PDE11A: variants seen among roughly 807,000 people sequenced by gnomAD.
PDE11A encodes the protein phosphodiesterase 11A, also known as dual 3',5'-cyclic-AMP and -GMP phosphodiesterase 11A.
Under a neutral mutation model 100.5 loss-of-function variants are expected in PDE11A, and 100 were observed. The ratio of observed to expected loss-of-function variants is 1.00; its 90% CI spans 0.85 to 1.18. The LOEUF is 1.18. Among genes scored for constraint, PDE11A ranks in the 50% most tolerant of loss-of-function variants. The pLI, the probability that PDE11A is intolerant of heterozygous loss-of-function variation, is 0.00. For missense variants in PDE11A, 1,141 were observed against 1,152.6 expected (o/e 0.99, Z 0.15); for synonymous variants, 381 against 420.8 (o/e 0.91, Z 1.16).
intron 18 of PDE11A, among the ~76,000 whole-genome samples, chr2:177,668,139 T>G (rs1211101450): frequency 6.6e-6 from 1 of 152,176 alleles, no homozygotes; most frequent in Admixed American, 6.5e-5. Context: ...TTCATTTATG[T>G]CTACAGAAAA....
chr2:177,932,986 G>A (rs1372577926), intron 2 of PDE11A, among the ~76,000 whole-genome samples: 1 of 151,824 alleles, frequency 6.6e-6, no homozygotes, highest in African/African-American at 2.4e-5. Context: ...TAAAATTAAT[G>A]TACAAAAATC....
intron 1 of PDE11A, among the ~76,000 whole-genome samples, chr2:178,029,860 T>C (rs1226695971): frequency 6.6e-6 from 1 of 152,182 alleles, no homozygotes; most frequent in African/African-American, 2.4e-5. Context: ...CTCATACCAT[T>C]ATCACTTGAG....
chr2:177,878,389 T>C (rs1307104753), intron 4 of PDE11A, among the ~76,000 whole-genome samples: 1 of 152,164 alleles, frequency 6.6e-6, no homozygotes, highest in African/African-American at 2.4e-5. Flanking sequence ...ATGGAAGACA[T>C]GCTACATGCC....
At chr2:177,971,442 C>T (rs777035717) in intron 2 of PDE11A, among the ~76,000 whole-genome samples, 7 of 152,142 alleles carry the variant, frequency 4.6e-5, no homozygotes, top group Non-Finnish European at 4.4e-5. Context: ...AAGTCCCTAG[C>T]AATTATCCTA....
At position 177,629,580 on chromosome 2, in the gene PDE11A, A is replaced by C. The variant is rs2079886995; in HGVS notation, c.2647-18T>G. 1.2e-6 allele frequency: 2 copies of C among 1,613,904 alleles called. No individual in the cohort carries two copies. The highest frequency in any genetic ancestry group is 1.7e-6 in the Non-Finnish European group (2 of 1,179,752). ...ACCAGTGCCTAAAACAAAACAAAAC[A>C]AAACACAGGTGGAGGAGAGAGGAAA... On this transcript the variant is annotated intron_variant, in intron 19 of 19. Transcript: ENST00000286063.
intron 10 of PDE11A, among the ~76,000 whole-genome samples, chr2:177,758,917 A>G (rs2082133705): frequency 6.6e-6 from 1 of 152,292 alleles, no homozygotes; most frequent in South Asian, 2.1e-4. Context: ...ACACACAAAC[A>G]TTATTATATC....
intron 4 of PDE11A, among the ~76,000 whole-genome samples, chr2:177,879,435 A>G (rs1170298170): frequency 6.6e-6 from 1 of 152,236 alleles, no homozygotes; most frequent in African/African-American, 2.4e-5. Flanking sequence ...ATCTTTCAAT[A>G]CAACAAATAC....
intron 6 of PDE11A, among the ~76,000 whole-genome samples, chr2:177,820,932 A>T (rs148681411): frequency 6.6e-6 from 1 of 152,018 alleles, no homozygotes; most frequent in East Asian, 1.9e-4. Flanking sequence ...TCCATTTAAT[A>T]TTAAAAACAG....
chr2:178,102,436 T>G (rs991915344), intron 2 of PDE11A, among the ~76,000 whole-genome samples: 2 of 145,408 alleles, frequency 1.4e-5, no homozygotes, highest in South Asian at 2.2e-4. Flanking sequence ...AAGTTTTTTT[T>G]TTTTTTTTTT....
chr2:177,821,356 A>G (rs2083135019), intron 6 of PDE11A, among the ~76,000 whole-genome samples: 1 of 151,838 alleles, frequency 6.6e-6, no homozygotes, highest in Non-Finnish European at 1.5e-5. Flanking sequence ...GGATTTTTAC[A>G]AAATGAACAG....
At chr2:177,737,268 T>A (rs911619726) in intron 10 of PDE11A, among the ~76,000 whole-genome samples, 6 of 143,794 alleles carry the variant, frequency 4.2e-5, no homozygotes, top group East Asian at 2.1e-4. Context: ...AATAAATAAA[T>A]AAAATAAAAT....
At chr2:177,759,830 C>T (rs1485731446) in intron 10 of PDE11A, among the ~76,000 whole-genome samples, 3 of 152,142 alleles carry the variant, frequency 2.0e-5, no homozygotes, top group Admixed American at 6.5e-5. Context: ...AACAACATTA[C>T]GTATTAATTG....
upstream of PDE11A, among the ~76,000 whole-genome samples, chr2:178,073,932 C>T (rs1351050958): frequency 3.3e-5 from 5 of 150,724 alleles, no homozygotes; most frequent in African/African-American, 9.8e-5. Context: ...TAATGGACTG[C>T]TAATTGTTAA....
At chr2:177,797,642 G>A (rs1221178736) in intron 9 of PDE11A, among the ~76,000 whole-genome samples, 1 of 152,138 alleles carries the variant, frequency 6.6e-6, no homozygotes, top group Admixed American at 6.5e-5. Flanking sequence ...AGGCTACTAT[G>A]GGGACTATGT....
chr2:178,060,409 T>C (rs897135536), intron 1 of PDE11A, among the ~76,000 whole-genome samples: 3 of 152,252 alleles, frequency 2.0e-5, no homozygotes, highest in African/African-American at 7.2e-5. Context: ...TTTTGGCATA[T>C]TGACCTCCAC....
rs750780087 is a variant in PDE11A, at chr2:178,071,674, G to A, written c.764C>T (p.Ser255Phe). 4.3e-6 allele frequency: 7 copies of A among 1,613,470 alleles called. No homozygotes were observed. The East Asian group carries it at 1.6e-4, about 36-fold the overall frequency. The change falls in exon 1 of 20, where the codon TCC becomes TTC. Residue 255 changes from serine (S) to phenylalanine (F), a missense_variant. Coordinates refer to ENST00000286063, the MANE Select transcript of PDE11A (RefSeq NM_016953.4). Reference protein sequence around the residue: ...GAAAGKKTLVSKFFDVHAGTP... With the variant: ...GAAAGKKTLVFKFFDVHAGTP... ...TCCTGCATGCACATCAAAGAATTTG[G>A]AGACCAAGGTCTTCTTGCCAGCAGC...
intron 19 of PDE11A, among the ~76,000 whole-genome samples, chr2:177,631,545 A>G (rs1402397843): frequency 0.092 from 822 of 8,902 alleles, 197 homozygotes; most frequent in Non-Finnish European, 0.18. Flanking sequence ...ATATATATAT[A>G]TACACATGTA....
At chr2:177,800,336 A>T (rs540733079) in intron 9 of PDE11A, among the ~76,000 whole-genome samples, 70 of 152,008 alleles carry the variant, frequency 4.6e-4, no homozygotes, top group African/African-American at 1.6e-3. Flanking sequence ...TGCCTGGCTA[A>T]TTTTTTTTCC....
At chr2:177,907,097 C>G (rs2084802190) in intron 2 of PDE11A, among the ~76,000 whole-genome samples, 1 of 152,018 alleles carries the variant, frequency 6.6e-6, no homozygotes, top group African/African-American at 2.4e-5. Flanking sequence ...AGGCTTGCTT[C>G]ACTTCATTTG....
Sources: gnomAD v4.1 joint callset for allele counts (sites outside exome capture counted in the v4.1 genomes callset) on GRCh38, gnomAD v4.1.1 for gene constraint, MANE v1.5 for transcripts, NCBI Gene and HGNC (gene_info 2026-07-23, HGNC 2026-07-21) for gene names.